Variants in PTPRD observed in about 807,000 individuals in gnomAD.
PTPRD encodes receptor-type tyrosine-protein phosphatase delta.
PTPRD carries 34 observed loss-of-function variants against 214.5 expected under a neutral mutation model. The ratio of observed to expected loss-of-function variants is 0.16; its 90% CI spans 0.12 to 0.21. PTPRD has a LOEUF of 0.21. Ranked by LOEUF, PTPRD falls within the 10% of genes least tolerant of loss-of-function variation. PTPRD has a pLI of 1.00. For missense variants in PTPRD, 2,545 were observed against 2,398.7 expected, an observed-to-expected ratio of 1.06 and a Z score of -1.27; for synonymous variants, 1,128 against 845.7, an observed-to-expected ratio of 1.33 and a Z score of -5.79.
chr9:10,159,636 T>A (rs964819523), intron 3 of PTPRD, among the ~76,000 whole-genome samples: 3 of 151,770 alleles, frequency 2.0e-5, no homozygotes, highest in African/African-American at 7.3e-5. Flanking sequence ...ATTCAGAAAT[T>A]TATCAGATAA....
rs1003177878 is a variant in PTPRD, at chr9:8,583,053, C to T, written c.352+50264G>A. Among the ~76,000 whole-genome samples, 10 of 152,272 alleles carry T rather than the reference C, an allele frequency of 6.6e-5. No homozygotes were observed. The East Asian group carries it at 1.9e-3, about 29-fold the overall frequency. ...TCAATGGAATATTTAAGACAGTGGTCCCCAACCGTTTTGGCCAAGATGAAA... is the reference window on the plus strand; with the variant it reads ...TCAATGGAATATTTAAGACAGTGGTTCCCAACCGTTTTGGCCAAGATGAAA... On this transcript the variant is annotated intron_variant, in intron 14 of 45. Transcript: ENST00000381196.
intron 11 of PTPRD, among the ~76,000 whole-genome samples, chr9:8,851,577 T>C (rs543250147): frequency 1.3e-5 from 2 of 152,288 alleles, no homozygotes; most frequent in East Asian, 3.9e-4. Flanking sequence ...GGCAATCACT[T>C]TTAACAAATA....
At chr9:10,030,634 A>C (rs2154130712) in intron 4 of PTPRD, among the ~76,000 whole-genome samples, 1 of 152,312 alleles carries the variant, frequency 6.6e-6, no homozygotes, top group South Asian at 2.1e-4. Flanking sequence ...GGTCAAATAT[A>C]TGAGGGGCCT....
intron 7 of PTPRD, among the ~76,000 whole-genome samples, chr9:9,578,153 G>A (rs895682493): frequency 2.0e-5 from 3 of 151,534 alleles, no homozygotes; most frequent in Non-Finnish European, 4.4e-5. Context: ...AGCCAAGCAG[G>A]CAAACCACAA....
intron 14 of PTPRD, among the ~76,000 whole-genome samples, chr9:8,538,490 T>C (rs1445983463): frequency 6.6e-6 from 1 of 151,566 alleles, no homozygotes; most frequent in African/African-American, 2.4e-5. Context: ...TTTTGGTAAA[T>C]ATAAGTATAT....
At chr9:9,027,232 C>T (rs1373934772) in intron 10 of PTPRD, among the ~76,000 whole-genome samples, 1 of 151,738 alleles carries the variant, frequency 6.6e-6, no homozygotes, top group East Asian at 1.9e-4. Flanking sequence ...AGAATTTGTT[C>T]CCCCACAAGG....
intron 5 of PTPRD, among the ~76,000 whole-genome samples, chr9:9,876,236 C>CA (rs1215195372): frequency 1.3e-5 from 2 of 152,054 alleles, no homozygotes; most frequent in Non-Finnish European, 2.9e-5. Flanking sequence ...TAGTTGTACA[C>CA]AATCAGATTT....
chr9:10,022,461 T>C (rs935703067), intron 4 of PTPRD, among the ~76,000 whole-genome samples: 2 of 151,644 alleles, frequency 1.3e-5, no homozygotes, highest in African/African-American at 4.9e-5. Flanking sequence ...TTCCCTTTCA[T>C]ATTCAGGTGC....
intron 3 of PTPRD, among the ~76,000 whole-genome samples, chr9:10,270,598 T>C (rs1302212127): frequency 6.6e-6 from 1 of 152,228 alleles, no homozygotes; most frequent in East Asian, 1.9e-4. Context: ...ACCAGATTTT[T>C]TGATCTTCAA....
At chr9:10,341,038 G>C (rs2096929824) in intron 2 of PTPRD, 21 bp from the exon 3 acceptor site, 2 of 151,698 alleles carry the variant, frequency 1.3e-5, no homozygotes, top group South Asian at 2.1e-4. Flanking sequence ...GAGGACATTG[G>C]GCTAGATCCA....
intron 3 of PTPRD, among the ~76,000 whole-genome samples, chr9:10,259,594 G>A (rs2093558035): frequency 6.6e-6 from 1 of 152,004 alleles, no homozygotes; most frequent in South Asian, 2.1e-4. Flanking sequence ...CAGTGGTGAT[G>A]ATTTTTTTTT....
intron 14 of PTPRD, among the ~76,000 whole-genome samples, chr9:8,554,187 C>CAAACAAAACA (rs770760077): frequency 6.6e-6 from 1 of 151,768 alleles, no homozygotes; most frequent in Non-Finnish European, 1.5e-5. Context: ...GACTCTGTCT[C>CAAACAAAACA]AAACAAAACA....
intron 7 of PTPRD, among the ~76,000 whole-genome samples, chr9:9,652,120 G>A (rs1012844888): frequency 6.6e-6 from 1 of 152,034 alleles, no homozygotes; most frequent in Non-Finnish European, 1.5e-5. Flanking sequence ...GGATTTACAG[G>A]CATGAGCCAC....
At chr9:9,575,130 A>G (rs978711640) in intron 7 of PTPRD, among the ~76,000 whole-genome samples, 1 of 152,174 alleles carries the variant, frequency 6.6e-6, no homozygotes, top group Non-Finnish European at 1.5e-5. Flanking sequence ...ACAATGTCAG[A>G]TATAACATAC....
intron 3 of PTPRD, among the ~76,000 whole-genome samples, chr9:10,227,393 T>C (rs1194219795): frequency 2.6e-5 from 4 of 152,000 alleles, no homozygotes; most frequent in Admixed American, 6.6e-5. Flanking sequence ...TCAGGTGTTC[T>C]TCAGAGAAGC....
At chr9:8,689,899 G>A (rs1165107207) in intron 12 of PTPRD, among the ~76,000 whole-genome samples, 2 of 152,046 alleles carry the variant, frequency 1.3e-5, no homozygotes, top group Admixed American at 1.3e-4. Flanking sequence ...ACTGAGGTTA[G>A]GAGTTCAAGA....
At chr9:8,962,803 T>C (rs1383654343) in intron 11 of PTPRD, 1 of 152,150 alleles carries the variant, frequency 6.6e-6, no homozygotes, top group Non-Finnish European at 1.5e-5. Context: ...GTTTTAGGAC[T>C]CAAGCTACCA....
chr9:8,468,895 A>G (rs926558228), intron 31 of PTPRD, among the ~76,000 whole-genome samples: 2 of 151,870 alleles, frequency 1.3e-5, no homozygotes, highest in African/African-American at 2.4e-5. Context: ...CCCCTCCACA[A>G]TGGTTACAAG....
chr9:10,248,655 C>A (rs2092463974), intron 3 of PTPRD, among the ~76,000 whole-genome samples: 2 of 151,970 alleles, frequency 1.3e-5, no homozygotes, highest in Non-Finnish European at 2.9e-5. Context: ...GAGAGTCATT[C>A]TAAATGTCCA....
Sources: allele counts gnomAD v4.1 joint callset (sites outside exome capture counted in the v4.1 genomes callset), GRCh38; gene constraint gnomAD v4.1.1; transcripts MANE v1.5; gene names NCBI Gene and HGNC (gene_info 2026-07-23, HGNC 2026-07-21).